Variants in PRR3 observed in about 807,000 individuals in gnomAD.
PRR3 encodes the protein proline rich 3, also known as proline-rich protein 3.
In PRR3, 16 loss-of-function variants were observed where a neutral mutation model predicts 22.4. The ratio of observed to expected loss-of-function variants is 0.71; its 90% CI spans 0.48 to 1.09. The LOEUF is 1.09. PRR3 is among the 50% of genes least tolerant of loss of function. PRR3 has a pLI of 0.00. For missense variants in PRR3, 224 were observed against 243.4 expected (o/e 0.92, Z 0.53); for synonymous variants, 87 against 88.6 (o/e 0.98, Z 0.10).
chr6:30,561,505 G>A lies in PRR3; in HGVS notation c.170-329G>A. On this transcript the variant is annotated intron_variant, in intron 2 of 3. Coordinates refer to ENST00000376560, the MANE Select transcript of PRR3 (RefSeq NM_025263.4). The surrounding 1 kb of genome is among the most constrained non-coding windows in gnomAD (Gnocchi z 4.0). ...AAGGAGCCAGACATAAAAGAATGCA[G>A]ACTGTATGATTCCATTTTTGTGAAG... 1.7e-6 allele frequency: 1 copy of A among 577,978 alleles called. No individual in the cohort carries two copies. Among genetic ancestry groups the A allele is most frequent in the Non-Finnish European group, 3.2e-6 (1 of 310,338 alleles). The allele number at this position is 577,978 out of a possible 1,614,324, so 35.8% of individuals were successfully genotyped here.
intron 2 of PRR3, chr6:30,560,077 T>C (rs1800526843): frequency 6.6e-6 from 1 of 152,278 alleles, no homozygotes; most frequent in African/African-American, 2.4e-5. Flanking sequence ...TAAAGTCAAA[T>C]TCAGGGGCTG....
At chr6:30,556,832 CGAT>C (rs1800247201), upstream of PRR3, 1 of 529,936 alleles carries the variant, frequency 1.9e-6, no homozygotes, top group Non-Finnish European at 3.4e-6. This position sits in a 1 kb window ranked among gnomAD's most constrained non-coding sequence, Gnocchi z 5.7. Flanking sequence ...CTTGTGGGAA[CGAT>C]GATAAGGAGC....
chr6:30,558,921 A>G (rs1800435563), intron 2 of PRR3, among the ~76,000 whole-genome samples: 2 of 152,352 alleles, frequency 1.3e-5, no homozygotes, highest in South Asian at 4.1e-4. Flanking sequence ...ACAAAGATCT[A>G]TTTCAAATGG....
chr6:30,558,522 C>T (rs1236857796), intron 2 of PRR3: 1 of 376,348 alleles, frequency 2.7e-6, no homozygotes, highest in East Asian at 4.5e-5. Context: ...GGAGGGCTTA[C>T]TATGAATATC....
Position 30,561,330 on chromosome 6 carries a change from C to T in PRR3, c.170-504C>T, listed in dbSNP as rs763606887. On this transcript the variant is annotated intron_variant, in intron 2 of 3. Transcript: ENST00000376560. The surrounding 1 kb of genome is among the most constrained non-coding windows in gnomAD (Gnocchi z 4.0). ...TATAGTGGCATTTCTCGTTATAGCCCCAAACTGGATACCACCCACATGTCC... is the reference window on the plus strand; with the variant it reads ...TATAGTGGCATTTCTCGTTATAGCCTCAAACTGGATACCACCCACATGTCC... 10 of 457,626 alleles carry T rather than the reference C, an allele frequency of 2.2e-5. No homozygotes were observed. The highest frequency in any genetic ancestry group is 1.6e-4 in the South Asian group (10 of 64,052). The allele number at this position is 457,626 out of a possible 1,614,324, so 28.3% of individuals were successfully genotyped here. A position where few individuals can be genotyped will look rare whatever the true frequency, so the allele number is the denominator to read the frequency against.
chr6:30,562,325 T>C (rs1230250265), intron 3 of PRR3, 64 bp from the exon 4 acceptor site: 1 of 1,321,268 alleles, frequency 7.6e-7, no homozygotes, highest in Non-Finnish European at 1.1e-6. Flanking sequence ...TGTCTCTGCG[T>C]TTCATTGTAT....
At chr6:30,559,833 G>T (rs1800506939) in intron 2 of PRR3, among the ~76,000 whole-genome samples, 1 of 152,094 alleles carries the variant, frequency 6.6e-6, no homozygotes, top group Non-Finnish European at 1.5e-5. Flanking sequence ...TGGAAAGCAG[G>T]GTCTTGAGAT....
intron 1 of PRR3, among the ~76,000 whole-genome samples, chr6:30,557,922 CTT>C (rs1314263676): frequency 6.6e-6 from 1 of 152,210 alleles, no homozygotes; most frequent in Non-Finnish European, 1.5e-5. Flanking sequence ...TTGTCAGTAT[CTT>C]TTCCTGCATT....
Position 30,562,389 on chromosome 6 carries a change from A to G in PRR3, c.461A>G (p.Asp154Gly), listed in dbSNP as rs1354596530. 1.9e-6 allele frequency: 3 copies of G among 1,612,482 alleles called. No homozygotes were observed. The highest frequency in any genetic ancestry group is 2.5e-6 in the Non-Finnish European group (3 of 1,178,740). ...CTGTTCCATTTTCACTTGTTCACAG[A>G]CAAATCCGACCGCCCTGTCTGCCGA... ...PPKDDPQVME[D>G]KSDRPVCRHF... The change falls in exon 4 of 4, where the codon GAC (aspartate) becomes GGC (glycine). Residue 154 changes from aspartate to glycine, a missense_variant and splice_region_variant. Coordinates refer to ENST00000376560, the MANE Select transcript of PRR3 (RefSeq NM_025263.4).
intron 1 of PRR3, 115 bp from the exon 2 acceptor site, chr6:30,558,035 A>G: frequency 2.2e-6 from 2 of 896,302 alleles, no homozygotes; most frequent in Non-Finnish European, 3.6e-6. Flanking sequence ...TGCTGAAAAT[A>G]TACCTGACTT....
rs1287673718 is a variant in PRR3 at position 30,557,365 on chromosome 6, G to C, written c.21G>C (p.Gln7His). The change falls in exon 1 of 4, where the codon CAG (glutamine) becomes CAC (histidine). Residue 7 changes from glutamine (Q) to histidine (H), a missense_variant. Transcript: ENST00000376560. Reference protein sequence around the residue: MPKRKKQNHHQPPTQQQ... With the variant: MPKRKKHNHHQPPTQQQ... Reference sequence around the variant, plus strand: ...ACACGATGCCGAAACGAAAGAAGCAGAATCATCACCAGCCACCGACACAGC... The same window carrying C: ...ACACGATGCCGAAACGAAAGAAGCACAATCATCACCAGCCACCGACACAGC... 5.6e-6 allele frequency: 9 copies of C among 1,612,622 alleles called. No individual in the cohort carries two copies. The highest frequency in any genetic ancestry group is 6.8e-6 in the Non-Finnish European group (8 of 1,179,918).
upstream of PRR3, chr6:30,557,259 C>G: frequency 9.7e-7 from 1 of 1,033,904 alleles, no homozygotes; most frequent in Non-Finnish European, 1.5e-6. Flanking sequence ...TGCTGCCCAC[C>G]GACCCCCCGG....
In PRR3 at chr6:30,561,915, G is replaced by A; in HGVS notation, c.251G>A (p.Gly84Asp). ...CTCCCACCTCCTCCTTGGGGTAGAG[G>A]CCCAATTCGGAGAGGGCTTGGCCCC... ...LSLPPPPWGR[G>D]PIRRGLGPRS... The change falls in exon 3 of 4, where the codon GGC (glycine) becomes GAC (aspartate). Residue 84 changes from glycine (G) to aspartate (D), a missense_variant. Physicochemically the swap from Gly to Asp is moderately conservative, Grantham distance 94. Coordinates refer to ENST00000376560, the MANE Select transcript of PRR3 (RefSeq NM_025263.4). This position sits in a 1 kb window ranked among gnomAD's most constrained non-coding sequence, Gnocchi z 4.0. The A allele has an allele frequency of 6.2e-7, 1 of 1,612,506 alleles. No homozygotes were observed. Among genetic ancestry groups the A allele is most frequent in the Non-Finnish European group, 8.5e-7 (1 of 1,179,802 alleles).
At chr6:30,559,998 C>CTTTGG (rs1800519899) in intron 2 of PRR3, 1 of 152,212 alleles carries the variant, frequency 6.6e-6, no homozygotes, top group African/African-American at 2.4e-5. Context: ...CATACTACAA[C>CTTTGG]ATGGATGAAC....
chr6:30,558,399 T>C, intron 2 of PRR3, 187 bp downstream of exon 2: 1 of 584,816 alleles, frequency 1.7e-6, no homozygotes, highest in South Asian at 2.2e-5. Context: ...CCCAAATTGA[T>C]AAACAGATTT....
chr6:30,557,327 G>T lies in PRR3; in HGVS notation c.-18G>T. ...TCACTACCCTCCAAATCCCGCTGCA[G>T]CCATTGCCGCAGACACGATGCCGAA... On this transcript the variant is annotated 5_prime_UTR_variant, in exon 1 of 4. Coordinates refer to ENST00000376560, the MANE Select transcript of PRR3 (RefSeq NM_025263.4). 1 of 1,603,320 alleles carries T rather than the reference G, an allele frequency of 6.2e-7. No individual in the cohort carries two copies.
intron 2 of PRR3, 190 bp downstream of exon 2, chr6:30,558,402 A>T (rs1171233894): frequency 2.4e-5 from 14 of 583,908 alleles, no homozygotes; most frequent in Admixed American, 2.9e-5. Flanking sequence ...AAATTGATAA[A>T]CAGATTTCAT....
rs1417014755 is a variant in PRR3, at chr6:30,561,860, AG to A, written c.200del (p.Gly67AspfsTer3). On this transcript the variant is annotated frameshift_variant, in exon 3 of 4. Coordinates refer to ENST00000376560, the MANE Select transcript of PRR3 (RefSeq NM_025263.4). LOFTEE classifies it high-confidence loss of function. The surrounding 1 kb of genome is among the most constrained non-coding windows in gnomAD (Gnocchi z 4.0). ...TCTTCACAGAGGTCCTCCAGGATCA[AG>A]GGGACCACTGATTCCACCACTGCTG... The part of the protein sequence containing the change: ...SALHRGPPGS[R>X]GPLIPPLLSL... 6.3e-7 allele frequency: 1 copy of A among 1,576,042 alleles called. No individual in the cohort carries two copies. Among genetic ancestry groups the A allele is most frequent in the Non-Finnish European group, 8.6e-7 (1 of 1,161,394 alleles).
At chr6:30,557,190 C>T (rs949967395), upstream of PRR3, 3 of 721,798 alleles carry the variant, frequency 4.2e-6, no homozygotes. Flanking sequence ...CTCCGGAATG[C>T]GGCCGCCGCA....
Sources: gnomAD v4.1 joint callset for allele counts (sites outside exome capture counted in the v4.1 genomes callset) on GRCh38, gnomAD v4.1.1 for gene constraint, Gnocchi (gnomAD v3.1) non-coding constraint, MANE v1.5 for transcripts, NCBI Gene and HGNC (gene_info 2026-07-23, HGNC 2026-07-21) for gene names.